The following CDV3 variants were observed in gnomAD, a reference collection of about 807,000 sequenced individuals.
The protein encoded by CDV3 is protein CDV3 homolog.
CDV3 carries 14 observed loss-of-function variants against 24.5 expected under a neutral mutation model. The ratio of observed to expected loss-of-function variants is 0.57; its 90% CI spans 0.38 to 0.89. CDV3 has a LOEUF of 0.89. Ranked by LOEUF, CDV3 falls within the 40% of genes least tolerant of loss-of-function variation. The probability of loss-of-function intolerance (pLI) is 0.00; values close to 1 mark genes in which losing one functional copy is unlikely to be tolerated. For synonymous variants in CDV3, 114 were observed against 114.1 expected, an observed-to-expected ratio of 1.00 and a Z score of 0.00; for missense variants, 304 against 310.2, an observed-to-expected ratio of 0.98 and a Z score of 0.15.
At chr3:133,587,642 G>C in intron 4 of CDV3, 1 of 1,181,964 alleles carries the variant, frequency 8.5e-7, no homozygotes, top group Non-Finnish European at 1.0e-6. Context: ...TTTTCTTCAA[G>C]TTTGTCCTGA....
intron 4 of CDV3, chr3:133,587,201 T>C (rs1188017569): frequency 2.9e-6 from 4 of 1,357,222 alleles, no homozygotes; most frequent in Non-Finnish European, 3.9e-6. Flanking sequence ...AATGACTACA[T>C]ATGGCACATC....
rs370619351 is a variant in CDV3, at chr3:133,576,841, C to CTTTTTTTTTTTTTTTTTTTTTTTT, written c.317+1749_317+1750insTTTTTTTTTTTTTTTTTTTTTTTT. ...TCTGTTCAACCTGAAGGTAGACTAGCTTTTTTTTTTTTTTTTTTTTTTTGA... is the reference window on the plus strand; with the variant it reads ...TCTGTTCAACCTGAAGGTAGACTAGCTTTTTTTTTTTTTTTTTTTTTTTTTTTTTTTTTTTTTTTTTTTTTTTGA... On this transcript the variant is annotated intron_variant, in intron 2 of 4. Transcript: ENST00000264993. Among the ~76,000 whole-genome samples the CTTTTTTTTTTTTTTTTTTTTTTTT allele has an allele frequency of 2.4e-4, 15 of 62,390 alleles. 5 individuals are homozygous for CTTTTTTTTTTTTTTTTTTTTTTTT. The highest frequency in any genetic ancestry group is 3.4e-4 in the African/African-American group (5 of 14,734). 40.9% of individuals were successfully genotyped at this position (62,390 alleles called of 152,430 possible).
chr3:133,576,720 G>A (rs1391333852), intron 2 of CDV3, among the ~76,000 whole-genome samples: 1 of 151,694 alleles, frequency 6.6e-6, no homozygotes, highest in African/African-American at 2.4e-5. Flanking sequence ...ATCTATTTTG[G>A]TTACTTTTGA....
At chr3:133,574,801 G>T (rs955975488) in intron 1 of CDV3, 8 of 954,274 alleles carry the variant, frequency 8.4e-6, no homozygotes, top group Non-Finnish European at 1.1e-5. Flanking sequence ...GCTTTTCTTA[G>T]TTGCTTAAAG....
Position 133,574,023 on chromosome 3 carries a change from C to A in CDV3, c.-22C>A, listed in dbSNP as rs749283574. On this transcript the variant is annotated 5_prime_UTR_variant, in exon 1 of 5. Transcript: ENST00000264993. ...CGCGCCCGCCGCCGGCCCCACCCAT[C>A]CGGGTCGAGGAGGCCGAGGCCATGG... is the stretch of plus-strand genomic sequence containing the variant. The A allele has an allele frequency of 1.8e-5, 20 of 1,100,512 alleles. No homozygotes were observed. The highest frequency in any genetic ancestry group is 2.5e-5 in the South Asian group (1 of 40,098). 68.2% of individuals were successfully genotyped at this position (1,100,512 alleles called of 1,614,324 possible).
chr3:133,588,739 TCAAC>T lies in CDV3; in HGVS notation c.*697_*700del, dbSNP rs1032426376. The T allele has an allele frequency of 1.5e-5, 3 of 205,404 alleles. No individual in the cohort carries two copies. Among genetic ancestry groups the T allele is most frequent in the South Asian group, 1.8e-4 (1 of 5,456 alleles). The allele number at this position is 205,404 out of a possible 1,614,324, so 12.7% of individuals were successfully genotyped here. ...ATTCTGAGGTAACCACAAAATAAAT[TCAAC>T]CAAACTGGGGTCCACCAAGTGGGGG... On this transcript the variant is annotated 3_prime_UTR_variant, in exon 5 of 5. Coordinates refer to ENST00000264993, the MANE Select transcript of CDV3 (RefSeq NM_017548.5).
chr3:133,584,023 T>G lies in CDV3; in HGVS notation c.339T>G (p.Asp113Glu), dbSNP rs1160714028. 1 of 1,605,518 alleles carries G rather than the reference T, an allele frequency of 6.2e-7. No individual in the cohort carries two copies. Among genetic ancestry groups the G allele is most frequent in the East Asian group, 2.2e-5 (1 of 44,834 alleles). The change falls in exon 3 of 5, where the codon GAT (aspartate) becomes GAG (glutamate). Residue 113 changes from aspartate (D) to glutamate (E), a missense_variant. By Grantham distance (45) the Asp-to-Glu change is conservative. Transcript: ENST00000264993. ...CCAGCAGTGAAAAGGAAGAAGACGA[T>G]AATGAAAAGAGACAAGATCCAGGTG... ...MQISSEKEED[D>E]NEKRQDPGDN... is the part of the protein sequence containing the mutation.
chr3:133,583,049 A>G (rs1468984877), intron 2 of CDV3, among the ~76,000 whole-genome samples: 1 of 152,256 alleles, frequency 6.6e-6, no homozygotes, highest in Non-Finnish European at 1.5e-5. Flanking sequence ...CAATTCAAGA[A>G]TAAATTAATT....
Position 133,574,259 on chromosome 3 carries a change from G to C in CDV3, c.215G>C (p.Gly72Ala), listed in dbSNP as rs2107685347. The C allele has an allele frequency of 1.0e-6, 1 of 989,178 alleles. No individual in the cohort carries two copies. Among genetic ancestry groups the C allele is most frequent in the South Asian group, 4.5e-5 (1 of 22,136 alleles). The allele number at this position is 989,178 out of a possible 1,614,324, so 61.3% of individuals were successfully genotyped here. A position where few individuals can be genotyped will look rare whatever the true frequency, so the allele number is the denominator to read the frequency against. Residue 72 changes from glycine (G) to alanine (A), a missense_variant, in exon 1 of 5, where the codon GGG becomes GCG. This residue lies in a region of CDV3 where 219 missense variants were observed against 203.6 expected (regional missense o/e 1.08). Coordinates refer to ENST00000264993, the MANE Select transcript of CDV3 (RefSeq NM_017548.5). ...GTASAGAAGPGAATKAVTKDE... is the reference protein window; with the variant it reads ...GTASAGAAGPAAATKAVTKDE... ...GCCAGCGCGGGGGCTGCGGGCCCAGGGGCCGCCACCAAGGCTGTGACGAAG... is the reference window on the plus strand; with the variant it reads ...GCCAGCGCGGGGGCTGCGGGCCCAGCGGCCGCCACCAAGGCTGTGACGAAG...
chr3:133,585,933 T>A (rs1008062470), intron 3 of CDV3, among the ~76,000 whole-genome samples: 6 of 152,228 alleles, frequency 3.9e-5, no homozygotes, highest in African/African-American at 1.4e-4. Flanking sequence ...AAAGTCCTAT[T>A]CTGAGAGGCA....
chr3:133,589,866 G>A lies in CDV3; in HGVS notation c.*1820G>A, dbSNP rs1933945787. 1 of 152,048 alleles carries A rather than the reference G, an allele frequency of 6.6e-6. No homozygotes were observed. The highest frequency in any genetic ancestry group is 1.9e-4 in the East Asian group (1 of 5,192). 9.4% of individuals were successfully genotyped at this position (152,048 alleles called of 1,614,324 possible). A position where few individuals can be genotyped will look rare whatever the true frequency, so the allele number is the denominator to read the frequency against. ...AGGTTGAATGATTAAATCAGAAATG[G>A]GATTCTTGGTAAACTGAAGACTTTT... On this transcript the variant is annotated 3_prime_UTR_variant, in exon 5 of 5. Transcript: ENST00000264993.
At chr3:133,577,188 A>G (rs74854593) in intron 2 of CDV3, among the ~76,000 whole-genome samples, 174 of 151,890 alleles carry the variant, frequency 1.1e-3, no homozygotes, top group Non-Finnish European at 1.6e-3. Flanking sequence ...CTTAGCATCT[A>G]GTCATTGGCC....
intron 2 of CDV3, among the ~76,000 whole-genome samples, chr3:133,580,748 T>TC (rs1932935231): frequency 6.6e-6 from 1 of 151,830 alleles, no homozygotes; most frequent in Non-Finnish European, 1.5e-5. Context: ...GCTATATTGC[T>TC]CAAGCTGGTT....
At position 133,574,129 on chromosome 3, in the gene CDV3, G is replaced by C; in HGVS notation, c.85G>C (p.Ala29Pro). The C allele has an allele frequency of 1.7e-6, 2 of 1,196,314 alleles. No homozygotes were observed. Among genetic ancestry groups the C allele is most frequent in the Non-Finnish European group, 2.1e-6 (2 of 942,284 alleles). The allele number at this position is 1,196,314 out of a possible 1,614,324, so 74.1% of individuals were successfully genotyped here. ...GAAGAAGGAGCGGAGCAACCGGGCG[G>C]CGAGTGCCGCGGGCGCAGCGGGCAG... ...KKKKERSNRA[A>P]SAAGAAGSAG... The change falls in exon 1 of 5, where the codon GCG (alanine) becomes CCG (proline). Residue 29 changes from alanine (A) to proline (P), a missense_variant. Transcript: ENST00000264993.
chr3:133,574,904 C>G (rs907897884), intron 1 of CDV3, 135 bp from the exon 2 acceptor site: 3 of 735,788 alleles, frequency 4.1e-6, no homozygotes, highest in Middle Eastern at 2.6e-4. Flanking sequence ...CAGAACGAAG[C>G]AAGGGCTTTG....
chr3:133,587,422 G>A, intron 4 of CDV3: 1 of 1,178,082 alleles, frequency 8.5e-7, no homozygotes, highest in Non-Finnish European at 1.1e-6. Flanking sequence ...GACCTTGGGA[G>A]GGCAGTGATT....
intron 3 of CDV3, among the ~76,000 whole-genome samples, chr3:133,584,770 T>C (rs1933412253): frequency 1.3e-5 from 2 of 152,194 alleles, no homozygotes; most frequent in South Asian, 2.1e-4. Context: ...AAAAGTTGCT[T>C]CTTATGGAAT....
At chr3:133,581,243 TGTG>T (rs1168989665) in intron 2 of CDV3, among the ~76,000 whole-genome samples, 4 of 151,980 alleles carry the variant, frequency 2.6e-5, no homozygotes, top group African/African-American at 4.8e-5. Flanking sequence ...ATTAGCCAAT[TGTG>T]GTGGTCTGCA....
intron 2 of CDV3, among the ~76,000 whole-genome samples, chr3:133,579,263 A>G (rs2074928986): frequency 6.6e-6 from 1 of 152,214 alleles, no homozygotes; most frequent in African/African-American, 2.4e-5. Flanking sequence ...ACAGACTTAC[A>G]CATATTTAAG....
Sources: allele counts gnomAD v4.1 joint callset (sites outside exome capture counted in the v4.1 genomes callset), GRCh38; gene constraint gnomAD v4.1.1; regional missense constraint gnomAD v4.1.1; transcripts MANE v1.5; gene names NCBI Gene and HGNC (gene_info 2026-07-23, HGNC 2026-07-21).